Variants in TRPC5 observed in about 807,000 individuals in gnomAD.
TRPC5 encodes the protein short transient receptor potential channel 5.
In TRPC5, 9 loss-of-function variants were observed where a neutral mutation model predicts 56.5. That is an observed-to-expected ratio of 0.16 (90% CI 0.10 to 0.28). The LOEUF (loss-of-function observed/expected upper bound fraction) is 0.28, where lower values mean the gene tolerates loss of function less well. Among genes scored for constraint, TRPC5 ranks in the 10% least tolerant of loss-of-function variants. The pLI, the probability that TRPC5 is intolerant of heterozygous loss-of-function variation, is 1.00. For missense variants in TRPC5, 469 were observed against 748.9 expected (o/e 0.63, Z 4.36); for synonymous variants, 282 against 278.5 (o/e 1.01, Z -0.13).
chrX:112,007,649 T>C (rs758918148), intron 1 of TRPC5, among the ~76,000 whole-genome samples: 1 of 111,501 alleles, frequency 9.0e-6, no homozygotes, highest in East Asian at 2.8e-4. Flanking sequence ...TGACTTCTAG[T>C]CTCCCCTATA....
chrX:111,820,449 A>T (rs1227600570), intron 7 of TRPC5, among the ~76,000 whole-genome samples: 1 of 112,336 alleles, frequency 8.9e-6, no homozygotes, highest in Non-Finnish European at 1.9e-5. Flanking sequence ...CCCATGAGCT[A>T]AGAATGATTT....
At chrX:111,861,074 A>C (rs1349126427) in intron 3 of TRPC5, among the ~76,000 whole-genome samples, 3 of 112,367 alleles carry the variant, frequency 2.7e-5, no homozygotes, top group Non-Finnish European at 3.8e-5. Context: ...TTTCAATTAC[A>C]TGAAAATTGT....
At chrX:112,080,395 TAC>T (rs201063739) in intron 1 of TRPC5, among the ~76,000 whole-genome samples, 6,915 of 78,816 alleles carry the variant, frequency 0.088, 249 homozygotes, top group Middle Eastern at 0.13. Context: ...AAAAACTACA[TAC>T]ACACACACAC....
At chrX:111,980,768 T>C (rs1303467417) in intron 1 of TRPC5, among the ~76,000 whole-genome samples, 2 of 109,275 alleles carry the variant, frequency 1.8e-5, no homozygotes, top group Non-Finnish European at 3.8e-5. Flanking sequence ...CAATAGAGTA[T>C]TGTATATTTC....
chrX:111,976,035 T>C (rs1927917707), intron 1 of TRPC5, among the ~76,000 whole-genome samples: 1 of 112,647 alleles, frequency 8.9e-6, no homozygotes, highest in Non-Finnish European at 1.9e-5. Flanking sequence ...TCGTATACTA[T>C]ATTAACAGAA....
At chrX:111,914,460 T>C (rs1925915577) in intron 2 of TRPC5, among the ~76,000 whole-genome samples, 2 of 111,826 alleles carry the variant, frequency 1.8e-5, no homozygotes, top group African/African-American at 6.5e-5. Context: ...CATCATTGCC[T>C]CCCTCCCACC....
chrX:111,844,835 A>G (rs1267026293), intron 6 of TRPC5, among the ~76,000 whole-genome samples: 1 of 111,176 alleles, frequency 9.0e-6, no homozygotes, highest in Non-Finnish European at 1.9e-5. Context: ...AAGGATAACA[A>G]TAAGCAGGTA....
At chrX:111,809,894 G>C (rs58487179) in intron 7 of TRPC5, among the ~76,000 whole-genome samples, 1 of 103,105 alleles carries the variant, frequency 9.7e-6, no homozygotes, top group Non-Finnish European at 2.0e-5. Flanking sequence ...TTTTTTTTTT[G>C]TTGTTGTTGT....
At chrX:111,900,552 T>A (rs1332004739) in intron 3 of TRPC5, among the ~76,000 whole-genome samples, 1 of 111,446 alleles carries the variant, frequency 9.0e-6, no homozygotes, top group Non-Finnish European at 1.9e-5. Flanking sequence ...AGCAGAATAA[T>A]CTATTTGGAA....
intron 7 of TRPC5, among the ~76,000 whole-genome samples, chrX:111,819,234 C>T (rs897239839): frequency 5.4e-5 from 6 of 111,849 alleles, no homozygotes; most frequent in African/African-American, 2.0e-4. Flanking sequence ...CCTTTGACTG[C>T]CCAGGTTTCT....
chrX:112,018,969 C>A (rs1349658783), intron 1 of TRPC5, among the ~76,000 whole-genome samples: 2 of 112,536 alleles, frequency 1.8e-5, no homozygotes, highest in Non-Finnish European at 3.8e-5. Flanking sequence ...TGCTTTCTTC[C>A]AAGTCAGCTG....
chrX:111,983,898 G>A (rs918692690), intron 1 of TRPC5, among the ~76,000 whole-genome samples: 1 of 111,660 alleles, frequency 9.0e-6, no homozygotes, highest in Non-Finnish European at 1.9e-5. Context: ...CGGCGTAGCA[G>A]GAGAGGGAAC....
intron 2 of TRPC5, among the ~76,000 whole-genome samples, chrX:111,926,129 G>A (rs1603101516): frequency 1.8e-5 from 2 of 111,545 alleles, no homozygotes; most frequent in Non-Finnish European, 3.8e-5. Flanking sequence ...GTGGAGCAGG[G>A]GGAGGCAGGG....
Position 112,035,804 on chromosome X carries a change from T to TG in TRPC5, c.-22+46074dup, listed in dbSNP as rs745723107. Among the ~76,000 whole-genome samples, 849 of 108,311 alleles carry TG rather than the reference T, an allele frequency of 7.8e-3. 6 individuals carry two copies. Among genetic ancestry groups the TG allele is most frequent in the African/African-American group, 0.027 (808 of 29,631 alleles). 94.1% of individuals were successfully genotyped at this position (108,311 alleles called of 115,157 possible). A position where few individuals can be genotyped will look rare whatever the true frequency, so the allele number is the denominator to read the frequency against. On this transcript the variant is annotated intron_variant, in intron 1 of 10. Transcript: ENST00000262839. ...CTGCCACCATGCCTGGCTAATTTTT[T>TG]GTATGTTTAGGAGAGACGGGGTTTC...
chrX:111,912,208 T>C, intron 3 of TRPC5, 83 bp downstream of exon 3: 1 of 1,068,787 alleles, frequency 9.4e-7, no homozygotes, highest in Non-Finnish European at 1.2e-6. Context: ...GGCTAAATGG[T>C]AGAAAAATGC....
chrX:111,820,179 A>G (rs1921987161), intron 7 of TRPC5, among the ~76,000 whole-genome samples: 3 of 112,225 alleles, frequency 2.7e-5, no homozygotes, highest in Non-Finnish European at 3.8e-5. Context: ...TTTTTAACAT[A>G]GTCGACAAAC....
intron 6 of TRPC5, among the ~76,000 whole-genome samples, chrX:111,841,283 T>G (rs1922722099): frequency 8.9e-6 from 1 of 112,217 alleles, no homozygotes; most frequent in East Asian, 2.8e-4. Context: ...CGTGTGTTCA[T>G]GATTATTGCA....
At chrX:111,777,314 A>G (rs930801163) in intron 10 of TRPC5, among the ~76,000 whole-genome samples, 1 of 111,369 alleles carries the variant, frequency 9.0e-6, no homozygotes, top group Non-Finnish European at 1.9e-5. Flanking sequence ...AAGTTATTAG[A>G]TTAGGACACT....
At chrX:111,786,694 G>A (rs1381501245) in intron 7 of TRPC5, among the ~76,000 whole-genome samples, 1 of 110,461 alleles carries the variant, frequency 9.1e-6, no homozygotes, top group African/African-American at 3.3e-5. Flanking sequence ...GATGCACATA[G>A]GCTCAAAATA....
Sources: gnomAD v4.1 joint callset for allele counts (sites outside exome capture counted in the v4.1 genomes callset) on GRCh38, gnomAD v4.1.1 for gene constraint, MANE v1.5 for transcripts, NCBI Gene and HGNC (gene_info 2026-07-23, HGNC 2026-07-21) for gene names.